Variants in SGCZ observed in about 807,000 individuals in gnomAD.
The protein encoded by SGCZ is zeta-sarcoglycan.
In SGCZ, 40 loss-of-function variants were observed where a neutral mutation model predicts 41.3. The observed-to-expected ratio is 0.97, with a 90% CI of 0.75 to 1.26. The LOEUF (loss-of-function observed/expected upper bound fraction) is 1.26, where lower values mean the gene tolerates loss of function less well. Among genes scored for constraint, SGCZ ranks in the 50% most tolerant of loss-of-function variants. The pLI, the probability that SGCZ is intolerant of heterozygous loss-of-function variation, is 0.00. For missense variants in SGCZ, 552 were observed against 369.8 expected, an observed-to-expected ratio of 1.49 and a Z score of -4.04; for synonymous variants, 206 against 137.5, an observed-to-expected ratio of 1.50 and a Z score of -3.49.
chr8:14,229,647 A>C (rs1174298999), intron 4 of SGCZ, among the ~76,000 whole-genome samples: 1 of 30,986 alleles, frequency 3.2e-5, no homozygotes, highest in African/African-American at 6.2e-5. Context: ...ACATTCTCTA[A>C]GTTAAAAAAA....
chr8:14,162,062 G>A (rs1012573230), intron 5 of SGCZ, among the ~76,000 whole-genome samples: 5 of 152,166 alleles, frequency 3.3e-5, no homozygotes, highest in African/African-American at 4.8e-5. Context: ...GCCAATTTGG[G>A]CTAAGGAAGC....
At chr8:15,126,123 G>A (rs1276789561) in intron 1 of SGCZ, among the ~76,000 whole-genome samples, 1 of 152,188 alleles carries the variant, frequency 6.6e-6, no homozygotes, top group Non-Finnish European at 1.5e-5. Context: ...TCCAGCCTGG[G>A]CAACAGAGGG....
At chr8:14,751,110 G>A (rs1799486333) in intron 1 of SGCZ, among the ~76,000 whole-genome samples, 1 of 152,116 alleles carries the variant, frequency 6.6e-6, no homozygotes, top group Non-Finnish European at 1.5e-5. Context: ...ATCTTTCTTA[G>A]ATGTTAGCCT....
chr8:14,274,509 C>T (rs111464283), intron 3 of SGCZ, among the ~76,000 whole-genome samples: 13 of 152,076 alleles, frequency 8.5e-5, no homozygotes, highest in African/African-American at 2.4e-4. Context: ...GAATGAAAAC[C>T]TCTGTGTGCT....
At chr8:14,414,823 A>G (rs896181854) in intron 2 of SGCZ, among the ~76,000 whole-genome samples, 8 of 151,982 alleles carry the variant, frequency 5.3e-5, no homozygotes, top group Non-Finnish European at 1.2e-4. Context: ...TTTAATAACA[A>G]TTATTAAACA....
intron 1 of SGCZ, among the ~76,000 whole-genome samples, chr8:15,124,883 C>A (rs1807622199): frequency 6.6e-6 from 1 of 151,886 alleles, no homozygotes; most frequent in Admixed American, 6.6e-5. Flanking sequence ...ATCCAAAAAT[C>A]TTGCTTCTAA....
chr8:14,182,442 G>A (rs539907368), intron 4 of SGCZ, among the ~76,000 whole-genome samples: 1 of 152,206 alleles, frequency 6.6e-6, no homozygotes, highest in East Asian at 2.0e-4. Context: ...GAGGCAGCGA[G>A]GATCTCCAAA....
chr8:15,215,049 A>C (rs1437341413), intron 1 of SGCZ, among the ~76,000 whole-genome samples: 2 of 152,210 alleles, frequency 1.3e-5, no homozygotes, highest in Non-Finnish European at 2.9e-5. Context: ...GCATCTTTTA[A>C]CATTTAATCT....
chr8:14,246,559 C>A (rs2117194322), intron 3 of SGCZ, among the ~76,000 whole-genome samples: 1 of 150,518 alleles, frequency 6.6e-6, no homozygotes, highest in Admixed American at 6.6e-5. Flanking sequence ...AACTAACCTG[C>A]ACATTGTGCA....
intron 4 of SGCZ, among the ~76,000 whole-genome samples, chr8:14,203,467 A>G (rs1426590009): frequency 1.3e-5 from 2 of 152,206 alleles, no homozygotes; most frequent in Non-Finnish European, 2.9e-5. Flanking sequence ...AATAATATAT[A>G]AGATTTATAA....
chr8:14,786,232 C>T (rs574013773), intron 1 of SGCZ, among the ~76,000 whole-genome samples: 2 of 152,132 alleles, frequency 1.3e-5, no homozygotes, highest in East Asian at 1.9e-4. Flanking sequence ...GGTCTTTGGT[C>T]AGAATCATTT....
chr8:14,860,491 G>A (rs1458891795), intron 1 of SGCZ, among the ~76,000 whole-genome samples: 3 of 145,144 alleles, frequency 2.1e-5, no homozygotes, highest in African/African-American at 7.7e-5. Flanking sequence ...AGAGGAGAAA[G>A]AGAAAGAGGA....
intron 2 of SGCZ, among the ~76,000 whole-genome samples, chr8:14,400,771 C>A (rs1333644447): frequency 6.7e-6 from 1 of 149,794 alleles, no homozygotes; most frequent in Non-Finnish European, 1.5e-5. Context: ...TTTTTTTTTA[C>A]AGAAAAGTAA....
chr8:14,646,734 G>A (rs915568461), intron 1 of SGCZ, among the ~76,000 whole-genome samples: 2 of 151,790 alleles, frequency 1.3e-5, no homozygotes, highest in Non-Finnish European at 2.9e-5. Flanking sequence ...TTAAAAAAAT[G>A]ACATTACTTA....
At position 14,919,474 on chromosome 8, in the gene SGCZ, C is replaced by T. The variant is rs1012829043; in HGVS notation, c.39+318111G>A. 2.0e-5 allele frequency among the ~76,000 whole-genome samples: 3 copies of T among 152,140 alleles called. No individual in the cohort carries two copies. The South Asian group carries it at 6.2e-4, about 32-fold the overall frequency. ...AATACAATTAAAATATTTCAGATGC[C>T]AGTGTCAATTTGATACATATTGTTC... On this transcript the variant is annotated intron_variant, in intron 1 of 7. Transcript: ENST00000382080.
At chr8:14,751,615 A>G (rs1276736784) in intron 1 of SGCZ, among the ~76,000 whole-genome samples, 2 of 152,186 alleles carry the variant, frequency 1.3e-5, no homozygotes, top group African/African-American at 4.8e-5. Flanking sequence ...GATTGCCTGA[A>G]AAGAGAGGCT....
At chr8:15,001,728 C>CAAAAAAAAAAA (rs1223307583) in intron 1 of SGCZ, among the ~76,000 whole-genome samples, 1 of 81,034 alleles carries the variant, frequency 1.2e-5, no homozygotes, top group African/African-American at 4.2e-5. Context: ...GACTCCGTCT[C>CAAAAAAAAAAA]AAAAAAAAAA....
intron 1 of SGCZ, among the ~76,000 whole-genome samples, chr8:14,740,771 G>C (rs2130277703): frequency 6.6e-6 from 1 of 152,106 alleles, no homozygotes. Flanking sequence ...GCCTGGAGTT[G>C]ATCTGAGTCT....
intron 1 of SGCZ, among the ~76,000 whole-genome samples, chr8:15,214,927 G>A (rs1156614492): frequency 6.6e-6 from 1 of 152,160 alleles, no homozygotes; most frequent in Non-Finnish European, 1.5e-5. Context: ...CAGATAATGA[G>A]ACTGTGATGA....
Sources: allele counts gnomAD v4.1 joint callset (sites outside exome capture counted in the v4.1 genomes callset), GRCh38; gene constraint gnomAD v4.1.1; transcripts MANE v1.5; gene names NCBI Gene and HGNC (gene_info 2026-07-23, HGNC 2026-07-21).